The following ZNF527 variants were observed in gnomAD, a reference collection of about 807,000 sequenced individuals.
ZNF527 encodes zinc finger protein 527.
Under a neutral mutation model 13.5 loss-of-function variants are expected in ZNF527, and 5 were observed. The observed-to-expected ratio is 0.37, with a 90% CI of 0.19 to 0.78. The LOEUF is 0.78. ZNF527 is among the 30% of genes least tolerant of loss of function. The probability of loss-of-function intolerance (pLI) is 0.48; values close to 1 mark genes in which losing one functional copy is unlikely to be tolerated. For missense variants in ZNF527, 628 were observed against 726.4 expected (o/e 0.86, Z 1.56); for synonymous variants, 209 against 243.1 (o/e 0.86, Z 1.30).
Position 37,389,752 on chromosome 19 carries a change from C to G in ZNF527, c.1703C>G (p.Ser568Cys). 1 of 1,613,704 alleles carries G rather than the reference C, an allele frequency of 6.2e-7. No individual in the cohort carries two copies. The highest frequency in any genetic ancestry group is 8.5e-7 in the Non-Finnish European group (1 of 1,180,008). ...GGGAAGGCTTTTCATCAGATCTTGT[C>G]CCTAAGACTACACCAGAGAATTCAC... Reference protein sequence around the residue: ...ECGKAFHQILSLRLHQRIHAG... With the variant: ...ECGKAFHQILCLRLHQRIHAG... The change falls in exon 5 of 5, where the codon TCC becomes TGC. Residue 568 changes from serine (S) to cysteine (C), a missense_variant. Physicochemically the swap from Ser to Cys is moderately radical, Grantham distance 112. Transcript: ENST00000436120.
rs2146825654 is a variant in ZNF527 at position 37,389,221 on chromosome 19, G to A, written c.1172G>A (p.Cys391Tyr). The change falls in exon 5 of 5, where the codon TGT becomes TAT. Residue 391 changes from cysteine (C) to tyrosine (Y), a missense_variant. Cys to Tyr is a radical substitution (Grantham distance 194, BLOSUM62 -2). Transcript: ENST00000436120. ...GAGAAACCATATGAATGTAAAGAATGTAATAAAGCCTTCAGACAGAGTGCT... is the reference window on the plus strand; with the variant it reads ...GAGAAACCATATGAATGTAAAGAATATAATAAAGCCTTCAGACAGAGTGCT... ...TGEKPYECKE[C>Y]NKAFRQSAHL... 1 of 1,614,162 alleles carries A rather than the reference G, an allele frequency of 6.2e-7. No homozygotes were observed. Among genetic ancestry groups the A allele is most frequent in the South Asian group, 1.1e-5 (1 of 91,086 alleles).
chr19:37,378,515 T>C (rs1437853856), intron 2 of ZNF527, among the ~76,000 whole-genome samples: 1 of 152,238 alleles, frequency 6.6e-6, no homozygotes, highest in Non-Finnish European at 1.5e-5. Flanking sequence ...ATACTGGATA[T>C]ATATCAGCTT....
At chr19:37,380,177 C>G in intron 3 of ZNF527, 100 bp from the exon 4 acceptor site, 1 of 1,509,674 alleles carries the variant, frequency 6.6e-7, no homozygotes, top group Non-Finnish European at 8.9e-7. Flanking sequence ...GCCTGATGAT[C>G]AAGATATTGG....
At chr19:37,374,609 G>C (rs1481552601) in intron 2 of ZNF527, among the ~76,000 whole-genome samples, 1 of 151,544 alleles carries the variant, frequency 6.6e-6, no homozygotes, top group Non-Finnish European at 1.5e-5. Flanking sequence ...GTGGAGATCT[G>C]GGGAAGAGCT....
chr19:37,381,454 G>A (rs2040653339), intron 4 of ZNF527, among the ~76,000 whole-genome samples: 1 of 152,152 alleles, frequency 6.6e-6, no homozygotes. Context: ...TAATTAGATT[G>A]AGGTAGTGCA....
chr19:37,384,800 G>C (rs367608206), intron 4 of ZNF527: 49 of 586,848 alleles, frequency 8.3e-5, no homozygotes, highest in African/African-American at 7.0e-4. Context: ...GGAATGCATT[G>C]TCTATAAAGT....
Position 37,389,865 on chromosome 19 carries a change from A to G in ZNF527, c.1816A>G (p.Arg606Gly). ...TAGACGACATCAGAGAATTCATAATAGAGAAACGCTCTGATTATAACAAGT... is the reference window on the plus strand; with the variant it reads ...TAGACGACATCAGAGAATTCATAATGGAGAAACGCTCTGATTATAACAAGT... ...ALRRHQRIHN[R>G]ETL Residue 606 changes from arginine to glycine, a missense_variant, in exon 5 of 5, where the codon AGA becomes GGA. Arg to Gly is a moderately radical substitution (Grantham distance 125, BLOSUM62 -2). Coordinates refer to ENST00000436120, the MANE Select transcript of ZNF527 (RefSeq NM_032453.2). 6.3e-7 allele frequency: 1 copy of G among 1,596,042 alleles called. No homozygotes were observed. Among genetic ancestry groups the G allele is most frequent in the Non-Finnish European group, 8.5e-7 (1 of 1,173,858 alleles).
intron 2 of ZNF527, among the ~76,000 whole-genome samples, chr19:37,375,311 T>TTTCTTTCTTTCTTTCC (rs760003304): frequency 2.3e-4 from 18 of 79,838 alleles, no homozygotes; most frequent in East Asian, 3.7e-4. Flanking sequence ...TCTTTCTTTC[T>TTTCTTTCTTTCTTTCC]TTTCTTTCTT....
In ZNF527 at chr19:37,389,999, G is replaced by A. The variant is rs927365690; in HGVS notation, c.*120G>A. ...TTCATATTTCAGTTCATGAGTATCC[G>A]TTATTTGAAGTAGCTCAGTAGTAGA... On this transcript the variant is annotated 3_prime_UTR_variant, in exon 5 of 5. Transcript: ENST00000436120. 1.3e-5 allele frequency: 16 copies of A among 1,253,282 alleles called. No individual in the cohort carries two copies. Among genetic ancestry groups the A allele is most frequent in the South Asian group, 1.3e-4 (8 of 63,170 alleles). 77.6% of individuals were successfully genotyped at this position (1,253,282 alleles called of 1,614,324 possible).
At chr19:37,378,870 C>T (rs949632477) in intron 2 of ZNF527, among the ~76,000 whole-genome samples, 1 of 152,124 alleles carries the variant, frequency 6.6e-6, no homozygotes, top group Non-Finnish European at 1.5e-5. Flanking sequence ...TTAGTCTTTG[C>T]TGTTTCTTGT....
Position 37,373,987 on chromosome 19 carries a change from T to C in ZNF527, c.-41-171T>C, listed in dbSNP as rs1163138717. Among the ~76,000 whole-genome samples, 5 of 146,340 alleles carry C rather than the reference T, an allele frequency of 3.4e-5. No individual in the cohort carries two copies. The East Asian group carries it at 6.1e-4, about 18-fold the overall frequency. Reference sequence around the variant, plus strand: ...CGTCCTTAATATATAAGTCAAGACTTTGGGAGTTAAGTTCAGCATTGGATT... The same window carrying C: ...CGTCCTTAATATATAAGTCAAGACTCTGGGAGTTAAGTTCAGCATTGGATT... On this transcript the variant is annotated intron_variant, in intron 1 of 4. Coordinates refer to ENST00000436120, the MANE Select transcript of ZNF527 (RefSeq NM_032453.2).
intron 2 of ZNF527, among the ~76,000 whole-genome samples, chr19:37,376,682 CAAAAAAAAAAAAAAA>C (rs35179002): frequency 2.3e-4 from 11 of 48,540 alleles, no homozygotes; most frequent in Admixed American, 2.3e-3. Context: ...ACTCCATCTC[CAAAAAAAAAAAAAAA>C]AAAAAAAAAG....
chr19:37,379,319 T>C, intron 3 of ZNF527, 73 bp downstream of exon 3: 1 of 1,466,256 alleles, frequency 6.8e-7, no homozygotes, highest in Non-Finnish European at 9.1e-7. Context: ...TGAGAATATC[T>C]AGGACATCTT....
At chr19:37,376,347 G>A (rs1262106074) in intron 2 of ZNF527, among the ~76,000 whole-genome samples, 2 of 151,714 alleles carry the variant, frequency 1.3e-5, no homozygotes, top group African/African-American at 4.8e-5. Context: ...AACAGAGTGA[G>A]ACCCTGTCTT....
intron 2 of ZNF527, among the ~76,000 whole-genome samples, chr19:37,376,840 A>G (rs1457963445): frequency 6.6e-6 from 1 of 152,182 alleles, no homozygotes; most frequent in Non-Finnish European, 1.5e-5. Context: ...TATATACCAG[A>G]TTTTGAAGAT....
In ZNF527 at chr19:37,373,594, G is replaced by A. The variant is rs74449091; in HGVS notation, c.-41-564G>A. Among the ~76,000 whole-genome samples the A allele has an allele frequency of 2.6e-4, 40 of 152,286 alleles. 1 individual carries two copies. The East Asian group carries it at 7.5e-3, about 29-fold the overall frequency. Reference sequence around the variant, plus strand: ...AACAAAGCAGTATGTAACATGTCCAGTGGTGATAAATGCTGAGAAAAAAAT... The same window carrying A: ...AACAAAGCAGTATGTAACATGTCCAATGGTGATAAATGCTGAGAAAAAAAT... On this transcript the variant is annotated intron_variant, in intron 1 of 4. Coordinates refer to ENST00000436120, the MANE Select transcript of ZNF527 (RefSeq NM_032453.2).
At chr19:37,380,588 C>T (rs999071817) in intron 4 of ZNF527, among the ~76,000 whole-genome samples, 46 of 152,110 alleles carry the variant, frequency 3.0e-4, no homozygotes, top group African/African-American at 1.1e-3. Flanking sequence ...CAATCCTTCT[C>T]AGCTCTTCTT....
chr19:37,375,282 C>CT (rs748166838), intron 2 of ZNF527, among the ~76,000 whole-genome samples: 1 of 127,252 alleles, frequency 7.9e-6, no homozygotes, highest in Non-Finnish European at 1.6e-5. Context: ...TTCTTTCTTT[C>CT]TTTCTTTCTT....
At chr19:37,374,800 G>T (rs1275457340) in intron 2 of ZNF527, among the ~76,000 whole-genome samples, 1 of 152,190 alleles carries the variant, frequency 6.6e-6, no homozygotes, top group Non-Finnish European at 1.5e-5. Context: ...AAGTGAAGGA[G>T]AGCCATTGGA....
Sources: allele counts gnomAD v4.1 joint callset (sites outside exome capture counted in the v4.1 genomes callset), GRCh38; gene constraint gnomAD v4.1.1; transcripts MANE v1.5; gene names NCBI Gene and HGNC (gene_info 2026-07-23, HGNC 2026-07-21).